WASHC5: variants seen among roughly 807,000 people sequenced by gnomAD.
WASHC5 encodes the protein WASH complex subunit 5, also known as WASH complex subunit strumpellin.
WASHC5 carries 101 observed loss-of-function variants against 150.4 expected under a neutral mutation model. That is an observed-to-expected ratio of 0.67 (90% CI 0.57 to 0.79). The LOEUF (loss-of-function observed/expected upper bound fraction) is 0.79. WASHC5 is among the 30% of genes least tolerant of loss of function. The pLI is 0.00. For missense variants in WASHC5, 1,195 were observed against 1,396.3 expected, an observed-to-expected ratio of 0.86 and a Z score of 2.30; for synonymous variants, 467 against 491.2, an observed-to-expected ratio of 0.95 and a Z score of 0.65.
chr8:125,049,015 T>C lies in WASHC5; in HGVS notation c.2370A>G (p.Leu790=). Residue 790 remains leucine, a synonymous_variant, in exon 19 of 29, where the codon CTA becomes CTG. Coordinates refer to ENST00000318410, the MANE Select transcript of WASHC5 (RefSeq NM_014846.4). ...YNVEQECNNF[L]RTKIQDWQSM... ...AAAATTTATTAGATACCTTCGTTCT[T>C]AGAAAGTTATTACACTCTTGCTCCA... 2 of 1,611,174 alleles carry C rather than the reference T, an allele frequency of 1.2e-6. No individual in the cohort carries two copies. The highest frequency in any genetic ancestry group is 1.7e-6 in the Non-Finnish European group (2 of 1,178,326).
At chr8:125,042,220 T>C (rs1304870732) in intron 23 of WASHC5, among the ~76,000 whole-genome samples, 1 of 152,160 alleles carries the variant, frequency 6.6e-6, no homozygotes, top group African/African-American at 2.4e-5. Flanking sequence ...TCACTCTTTC[T>C]CCAAGATTTT....
intron 20 of WASHC5, among the ~76,000 whole-genome samples, chr8:125,045,250 G>A (rs1415253011): frequency 6.6e-6 from 1 of 152,218 alleles, no homozygotes; most frequent in Non-Finnish European, 1.5e-5. Context: ...TCAGAAGTGT[G>A]ATGATGACAG....
chr8:125,051,987 C>T (rs778874524), intron 17 of WASHC5, among the ~76,000 whole-genome samples: 3 of 152,092 alleles, frequency 2.0e-5, no homozygotes, highest in Non-Finnish European at 4.4e-5. Context: ...TAAAACTATA[C>T]ACAGGAGGCC....
At chr8:125,054,353 A>G (rs1387629603) in intron 17 of WASHC5, among the ~76,000 whole-genome samples, 1 of 152,264 alleles carries the variant, frequency 6.6e-6, no homozygotes, top group African/African-American at 2.4e-5. Context: ...TCAAAAGCAC[A>G]TGCACACATC....
intron 25 of WASHC5, among the ~76,000 whole-genome samples, chr8:125,038,512 A>G (rs575028602): frequency 6.6e-6 from 1 of 152,356 alleles, no homozygotes; most frequent in Admixed American, 6.5e-5. Context: ...AGACAGATCA[A>G]TGCTACCATT....
intron 17 of WASHC5, among the ~76,000 whole-genome samples, chr8:125,054,816 T>C (rs1816358695): frequency 7.5e-6 from 1 of 133,768 alleles, no homozygotes; most frequent in East Asian, 2.0e-4. Context: ...AAGACCCTTG[T>C]CTCAAAAAAA....
chr8:125,027,376 CATCA>C (rs1287841669), intron 28 of WASHC5, among the ~76,000 whole-genome samples: 11 of 152,226 alleles, frequency 7.2e-5, no homozygotes, highest in East Asian at 5.8e-4. Flanking sequence ...CCTAAGTGTC[CATCA>C]ATCAATGAGT....
In WASHC5 at chr8:125,055,691, G is replaced by T. The variant is rs759179193; in HGVS notation, c.2017-20C>A. 5 of 1,468,984 alleles carry T rather than the reference G, an allele frequency of 3.4e-6. No individual in the cohort carries two copies. In the African/African-American group the frequency reaches 5.6e-5, roughly 16 times the overall value. The allele number at this position is 1,468,984 out of a possible 1,614,324, so 91.0% of individuals were successfully genotyped here. The stretch of plus-strand genomic sequence containing the variant: ...GGCAACCTATAACAAAGAAAAAGAG[G>T]TATGAAAAATCACTGTCTAATAGTC... On this transcript the variant is annotated intron_variant, in intron 16 of 28. Coordinates refer to ENST00000318410, the MANE Select transcript of WASHC5 (RefSeq NM_014846.4).
intron 23 of WASHC5, among the ~76,000 whole-genome samples, chr8:125,042,651 C>T (rs190941841): frequency 3.9e-5 from 6 of 152,302 alleles, no homozygotes; most frequent in East Asian, 1.9e-4. Flanking sequence ...ATCCCCCTAA[C>T]GCCTCCTACA....
intron 1 of WASHC5, among the ~76,000 whole-genome samples, chr8:125,087,584 T>C (rs999992026): frequency 3.3e-5 from 5 of 151,904 alleles, no homozygotes; most frequent in Non-Finnish European, 7.4e-5. Context: ...CAAAAGAATA[T>C]CAGTCAGGTA....
chr8:125,085,991 T>C (rs1411946676), intron 1 of WASHC5, among the ~76,000 whole-genome samples: 1 of 152,176 alleles, frequency 6.6e-6, no homozygotes, highest in African/African-American at 2.4e-5. Context: ...CTGATTATAA[T>C]AATGTGGTAA....
chr8:125,065,072 T>G (rs1019386638), intron 10 of WASHC5, among the ~76,000 whole-genome samples: 1 of 152,154 alleles, frequency 6.6e-6, no homozygotes, highest in Non-Finnish European at 1.5e-5. Flanking sequence ...AAACACTCAT[T>G]CACATGAACT....
At chr8:125,067,211 C>T (rs1378637291) in intron 10 of WASHC5, among the ~76,000 whole-genome samples, 1 of 152,136 alleles carries the variant, frequency 6.6e-6, no homozygotes, top group African/African-American at 2.4e-5. Context: ...GATGAGGTTT[C>T]ACCAGCCTGC....
At position 125,050,642 on chromosome 8, in the gene WASHC5, T is replaced by C. The variant is rs372424422; in HGVS notation, c.2121A>G (p.Glu707=). 1 of 1,614,116 alleles carries C rather than the reference T, an allele frequency of 6.2e-7. No homozygotes were observed. Among genetic ancestry groups the C allele is most frequent in the African/African-American group, 1.3e-5 (1 of 75,064 alleles). The change falls in exon 18 of 29, where the codon GAA becomes GAG. Residue 707 remains glutamate, a synonymous_variant. Coordinates refer to ENST00000318410, the MANE Select transcript of WASHC5 (RefSeq NM_014846.4). ...TCACAAGCTCTTTCCTTATTCCATC[T>C]TCCAGCAACTGCTTTGGATCCACCT... ...IIKVDPKQLL[E]DGIRKELVKR... is the part of the protein sequence containing the mutation.
At chr8:125,063,494 A>G (rs904669313) in intron 11 of WASHC5, 28 bp downstream of exon 11, 5 of 1,612,258 alleles carry the variant, frequency 3.1e-6, no homozygotes, top group African/African-American at 1.3e-5. Flanking sequence ...CATTCCAAAC[A>G]CACCAGTATT....
intron 1 of WASHC5, among the ~76,000 whole-genome samples, chr8:125,090,067 G>A (rs1817555605): frequency 6.6e-6 from 1 of 152,170 alleles, no homozygotes; most frequent in South Asian, 2.1e-4. Context: ...AGCATCTCCT[G>A]CTAAGTTTTT....
intron 26 of WASHC5, among the ~76,000 whole-genome samples, chr8:125,033,534 T>C (rs930194344): frequency 2.6e-5 from 4 of 151,324 alleles, no homozygotes; most frequent in Admixed American, 6.6e-5. Context: ...CTTTGTGACC[T>C]TGAAGAAGGC....
At position 125,073,167 on chromosome 8, in the gene WASHC5, T is replaced by C. The variant is rs1433996127; in HGVS notation, c.1136A>G (p.His379Arg). The C allele has an allele frequency of 6.2e-7, 1 of 1,614,134 alleles. No individual in the cohort carries two copies. The highest frequency in any genetic ancestry group is 8.5e-7 in the Non-Finnish European group (1 of 1,179,986). ...CNVAIRWLML[H>R]TADSACDPNN... The stretch of plus-strand genomic sequence containing the variant: ...TTGTGCATTACCTGAGTCTGCTGTA[T>C]GAAGCATCAGCCATCGGATGGCAAC... Residue 379 changes from histidine (H) to arginine (R), a missense_variant, in exon 9 of 29, where the codon CAT (histidine) becomes CGT (arginine). This residue lies in a region of WASHC5 where 997 missense variants were observed against 1,168.1 expected (regional missense o/e 0.85). Coordinates refer to ENST00000318410, the MANE Select transcript of WASHC5 (RefSeq NM_014846.4).
chr8:125,055,694 T>A, intron 16 of WASHC5, 23 bp from the exon 17 acceptor site: 1 of 1,417,696 alleles, frequency 7.1e-7, no homozygotes, highest in Non-Finnish European at 1.0e-6. Context: ...AAAAGAGGTA[T>A]GAAAAATCAC....
Sources: gnomAD v4.1 joint callset for allele counts (sites outside exome capture counted in the v4.1 genomes callset) on GRCh38, gnomAD v4.1.1 for gene constraint, gnomAD v4.1.1 regional missense constraint, MANE v1.5 for transcripts, NCBI Gene and HGNC (gene_info 2026-07-23, HGNC 2026-07-21) for gene names.